SRRM2: variants seen among roughly 807,000 people sequenced by gnomAD.
SRRM2 encodes the protein serine/arginine repetitive matrix protein 2.
Under a neutral mutation model 213.8 loss-of-function variants are expected in SRRM2, and 30 were observed. That is an observed-to-expected ratio of 0.14 (90% CI 0.10 to 0.19). The LOEUF is 0.19. SRRM2 is among the 10% of genes least tolerant of loss of function. SRRM2 has a pLI of 1.00. For missense variants in SRRM2, 4,904 were observed against 3,647.0 expected (o/e 1.34, Z -8.88); for synonymous variants, 2,025 against 1,377.7 (o/e 1.47, Z -10.40).
At position 2,765,538 on chromosome 16, in the gene SRRM2, A is replaced by T. The variant is rs1232834202; in HGVS notation, c.5010A>T (p.Arg1670Ser). The T allele has an allele frequency of 4.3e-6, 7 of 1,614,078 alleles. No individual in the cohort carries two copies. In the Admixed American group the frequency reaches 5.0e-5, roughly 12 times the overall value. Residue 1670 changes from arginine to serine, a missense_variant, in exon 11 of 15, where the codon AGA (arginine) becomes AGT (serine). Physicochemically the swap from Arg to Ser is moderately radical, Grantham distance 110. Transcript: ENST00000301740. ...EHPPKSRTARRGSRSSPEPKT... is the reference protein window; with the variant it reads ...EHPPKSRTARSGSRSSPEPKT... The stretch of plus-strand genomic sequence containing the variant: ...CGCCCAAATCCAGAACTGCTCGCAG[A>T]GGTTCCAGGTCATCACCAGAGCCCA...
At chr16:2,760,079 A>T (rs1354598494) in intron 9 of SRRM2, 3 of 589,986 alleles carry the variant, frequency 5.1e-6, no homozygotes, top group East Asian at 5.8e-5. Flanking sequence ...GGAGGTGAGT[A>T]AAGGGGTAGA....
At chr16:2,755,511 ATAT>A (rs2068109867) in intron 1 of SRRM2, among the ~76,000 whole-genome samples, 1 of 152,208 alleles carries the variant, frequency 6.6e-6, no homozygotes, top group African/African-American at 2.4e-5. Context: ...AAAACAGGTA[ATAT>A]TTGACAGCTG....
Position 2,759,360 on chromosome 16 carries a change from C to T in SRRM2, c.698C>T (p.Thr233Ile), listed in dbSNP as rs772221460. The T allele has an allele frequency of 1.3e-6, 2 of 1,599,588 alleles. No homozygotes were observed. Among genetic ancestry groups the T allele is most frequent in the Admixed American group, 3.6e-5 (2 of 55,568 alleles). The change falls in exon 8 of 15, where the codon ACT (threonine) becomes ATT (isoleucine). Residue 233 changes from threonine (T) to isoleucine (I), a missense_variant. Thr to Ile is a moderately conservative substitution (Grantham distance 89, BLOSUM62 -1). Coordinates refer to ENST00000301740, the MANE Select transcript of SRRM2 (RefSeq NM_016333.4). ...CTTTCCTTATTTCCCAGGTCTCCCA[C>T]TCCAAAGAGCAAACGTAAATCTAAG... ...ESKKRKHRSP[T>I]PKSKRKSKDK...
intron 1 of SRRM2, among the ~76,000 whole-genome samples, chr16:2,754,491 C>T (rs1244361125): frequency 6.6e-6 from 1 of 152,108 alleles, no homozygotes; most frequent in Admixed American, 6.5e-5. Context: ...GGAGTTTCAC[C>T]GTGTTGGCCA....
chr16:2,762,421 A>G lies in SRRM2; in HGVS notation c.1893A>G (p.Val631=). The G allele has an allele frequency of 6.2e-7, 1 of 1,613,954 alleles. No homozygotes were observed. Among genetic ancestry groups the G allele is most frequent in the Non-Finnish European group, 8.5e-7 (1 of 1,180,012 alleles). The stretch of plus-strand genomic sequence containing the variant: ...GCAGATCTAGGACCCGATCACCAGT[A>G]CGACGCAGGTCTCGTAGTAGATCAC... The part of the protein sequence containing the change: ...ARRRSRTRSP[V]RRRSRSRSPA... The change falls in exon 11 of 15, where the codon GTA becomes GTG. Residue 631 remains valine, a synonymous_variant. Coordinates refer to ENST00000301740, the MANE Select transcript of SRRM2 (RefSeq NM_016333.4).
Position 2,767,644 on chromosome 16 carries a change from T to A in SRRM2, c.7116T>A (p.Ala2372=). ...CGAGCCTCACCAGTGCTAGGATGGC[T>A]CCAGCATTGTCTGGTGCAAACCTCA... is the stretch of plus-strand genomic sequence containing the variant. ...APASLTSARM[A]PALSGANLTS... Residue 2372 remains alanine (A), a synonymous_variant, in exon 11 of 15, where the codon GCT becomes GCA. Coordinates refer to ENST00000301740, the MANE Select transcript of SRRM2 (RefSeq NM_016333.4). 6.2e-7 allele frequency: 1 copy of A among 1,614,086 alleles called. No homozygotes were observed. The highest frequency in any genetic ancestry group is 8.5e-7 in the Non-Finnish European group (1 of 1,179,998).
At chr16:2,759,730 C>T (rs967679102) in intron 9 of SRRM2, 69 bp downstream of exon 9, 2 of 1,456,012 alleles carry the variant, frequency 1.4e-6, no homozygotes, top group Non-Finnish European at 1.9e-6. Flanking sequence ...ATTTATTGAG[C>T]GCCCACGGTG....
intron 12 of SRRM2, chr16:2,769,845 C>T (rs2068680303): frequency 2.1e-6 from 1 of 465,900 alleles, no homozygotes; most frequent in South Asian, 1.5e-5. Context: ...CGCCCCCACA[C>T]ATGCCCTGTG....
Position 2,752,816 on chromosome 16 carries a change from C to A in SRRM2, c.-62C>A. 3.1e-6 allele frequency: 1 copy of A among 319,066 alleles called. No individual in the cohort carries two copies. The highest frequency in any genetic ancestry group is 6.4e-6 in the Non-Finnish European group (1 of 156,236). 19.8% of individuals were successfully genotyped at this position (319,066 alleles called of 1,614,324 possible). ...GAGCAGCGGCGGCGGCAAGACCTCT[C>A]CCCCTCGGAGGCGGCGGGCGGAGGC... is the stretch of plus-strand genomic sequence containing the variant. On this transcript the variant is annotated 5_prime_UTR_variant, in exon 1 of 15. Transcript: ENST00000301740.
intron 9 of SRRM2, 110 bp downstream of exon 9, chr16:2,759,771 C>T (rs2068273993): frequency 1.0e-6 from 1 of 954,828 alleles, no homozygotes; most frequent in Non-Finnish European, 1.6e-6. Context: ...ATTCGGAAGA[C>T]ACGGTCCCTG....
chr16:2,758,352 C>A, intron 4 of SRRM2, 118 bp from the exon 5 acceptor site: 1 of 967,338 alleles, frequency 1.0e-6, no homozygotes, highest in Non-Finnish European at 1.6e-6. Context: ...CCTGAGGCAA[C>A]AGAGCGAGAC....
chr16:2,762,531 G>A lies in SRRM2; in HGVS notation c.2003G>A (p.Arg668His), dbSNP rs1370426572. ...SRSRTPARRG[R>H]SRSRTPARRS... ...TCCAGAACCCCAGCCAGACGTGGCC[G>A]CTCACGCTCTAGAACCCCAGCTAGA... Residue 668 changes from arginine (R) to histidine (H), a missense_variant, in exon 11 of 15, where the codon CGC becomes CAC. Coordinates refer to ENST00000301740, the MANE Select transcript of SRRM2 (RefSeq NM_016333.4). 6 of 1,613,878 alleles carry A rather than the reference G, an allele frequency of 3.7e-6. No individual in the cohort carries two copies. Among genetic ancestry groups the A allele is most frequent in the Middle Eastern group, 1.6e-4 (1 of 6,084 alleles).
At chr16:2,761,067 T>C (rs1370597451) in intron 10 of SRRM2, among the ~76,000 whole-genome samples, 1 of 152,246 alleles carries the variant, frequency 6.6e-6, no homozygotes. Context: ...CTTATTGCTT[T>C]TGAATTATAT....
At chr16:2,770,152 C>T (rs1158878417) in intron 12 of SRRM2, 200 bp from the exon 13 acceptor site, 15 of 1,433,674 alleles carry the variant, frequency 1.0e-5, no homozygotes, top group East Asian at 7.6e-5. Flanking sequence ...CTTTGCATCC[C>T]CCGCTGCACC....
chr16:2,769,349 T>C, intron 12 of SRRM2, 65 bp downstream of exon 12: 4 of 1,503,810 alleles, frequency 2.7e-6, no homozygotes, highest in Non-Finnish European at 3.6e-6. Flanking sequence ...GAAGGGGCCC[T>C]GGGGTGTGAG....
At chr16:2,754,462 T>G (rs1328095916) in intron 1 of SRRM2, among the ~76,000 whole-genome samples, 3 of 152,136 alleles carry the variant, frequency 2.0e-5, no homozygotes, top group South Asian at 2.1e-4. Context: ...CAGCTAATTT[T>G]TGTATTTTTG....
chr16:2,753,544 T>A (rs1268755041), intron 1 of SRRM2: 1 of 152,258 alleles, frequency 6.6e-6, no homozygotes, highest in East Asian at 1.9e-4. Flanking sequence ...CGTTCCCTTT[T>A]TACACTTTTT....
rs767155640 is a variant in SRRM2, at chr16:2,767,055, A to G, written c.6527A>G (p.His2176Arg). 4.3e-6 allele frequency: 7 copies of G among 1,613,998 alleles called. No homozygotes were observed. The highest frequency in any genetic ancestry group is 1.3e-5 in the African/African-American group (1 of 74,890). The change falls in exon 11 of 15, where the codon CAT becomes CGT. Residue 2176 changes from histidine to arginine, a missense_variant. His to Arg is a conservative substitution (Grantham distance 29). Transcript: ENST00000301740. ...CAGAGAACATCTGTGCCAGAAAATCATGCTCAGTCCAGGATTGCACTTGCC... is the reference window on the plus strand; with the variant it reads ...CAGAGAACATCTGTGCCAGAAAATCGTGCTCAGTCCAGGATTGCACTTGCC... Reference protein sequence around the residue: ...DHQRTSVPENHAQSRIALALT... With the variant: ...DHQRTSVPENRAQSRIALALT...
In SRRM2 at chr16:2,771,047, T is replaced by G. The variant is rs2068729828; in HGVS notation, c.*180T>G. ...TCTTTGTTCCTGTGAAATGTTAATC[T>G]CCGTGAGTTCTTCCTGGTTCATGTG... On this transcript the variant is annotated 3_prime_UTR_variant, in exon 15 of 15. Transcript: ENST00000301740. 2 of 439,096 alleles carry G rather than the reference T, an allele frequency of 4.6e-6. No individual in the cohort carries two copies. Among genetic ancestry groups the G allele is most frequent in the Non-Finnish European group, 7.9e-6 (2 of 253,572 alleles). 27.2% of individuals were successfully genotyped at this position (439,096 alleles called of 1,614,324 possible). A position where few individuals can be genotyped will look rare whatever the true frequency, so the allele number is the denominator to read the frequency against.
Sources: gnomAD v4.1 joint callset for allele counts (sites outside exome capture counted in the v4.1 genomes callset) on GRCh38, gnomAD v4.1.1 for gene constraint, MANE v1.5 for transcripts, NCBI Gene and HGNC (gene_info 2026-07-23, HGNC 2026-07-21) for gene names.